The following ZNF117 variants were observed in gnomAD, a reference collection of about 807,000 sequenced individuals.
The protein encoded by ZNF117 is Krueppel-related zinc finger protein.
ZNF117 carries 37 observed loss-of-function variants against 41.2 expected under a neutral mutation model. The observed-to-expected ratio is 0.90, with a 90% CI of 0.69 to 1.18. The LOEUF (loss-of-function observed/expected upper bound fraction) is 1.18, where lower values mean the gene tolerates loss of function less well. Ranked by LOEUF, ZNF117 falls within the 50% of genes most tolerant of loss-of-function variation. The pLI is 0.00. For synonymous variants in ZNF117, 186 were observed against 186.6 expected (o/e 1.00, Z 0.02); for missense variants, 546 against 557.5 (o/e 0.98, Z 0.21).
chr7:64,978,736 A>G (rs777398322), exon 3 of ZNF117: 1 of 1,613,130 alleles, frequency 6.2e-7, no homozygotes, highest in Non-Finnish European at 8.5e-7. Context: ...CATTCTTCAC[A>G]TTTGTACAGC....
chr7:64,987,913 C>T (rs11972247), intron 1 of ZNF117, among the ~76,000 whole-genome samples: 135,903 of 151,326 alleles, frequency 0.9, 61,538 homozygotes, highest in South Asian at 0.97. Context: ...AAAAAGAAAT[C>T]GAATCTCTGA....
At chr7:64,973,685 CAA>C (rs1785819333), downstream of ZNF117, 1 of 151,824 alleles carries the variant, frequency 6.6e-6, no homozygotes, top group Non-Finnish European at 1.5e-5. Context: ...CAACAGTGAG[CAA>C]AGTGTAGCCA....
chr7:64,977,176 G>A, exon 3 of ZNF117: 1 of 459,640 alleles, frequency 2.2e-6, no homozygotes, highest in Non-Finnish European at 4.4e-6. Context: ...ATTACCTTAT[G>A]TTTAGTAAGC....
exon 1 of ZNF117, chr7:64,990,927 G>A (rs1202107251): frequency 1.2e-5 from 3 of 253,474 alleles, no homozygotes; most frequent in Admixed American, 5.1e-5. Context: ...TCCCCCCTTT[G>A]ATGCTTTTTA....
exon 3 of ZNF117, chr7:64,978,997 G>T: frequency 6.2e-7 from 1 of 1,613,362 alleles, no homozygotes; most frequent in Non-Finnish European, 8.5e-7. Context: ...CATTTGTAGG[G>T]TTTCTCTTCA....
intron 2 of ZNF117, 30 bp downstream of exon 3, chr7:64,981,357 T>C: frequency 6.2e-7 from 1 of 1,612,340 alleles, no homozygotes; most frequent in Non-Finnish European, 8.5e-7. Flanking sequence ...ACCTCTTCTC[T>C]GTGCCATCTG....
At chr7:64,977,690 G>C in exon 3 of ZNF117, 2 of 797,898 alleles carry the variant, frequency 2.5e-6, no homozygotes, top group Non-Finnish European at 4.0e-6. Flanking sequence ...GTGTAGTAAG[G>C]TTTACGTATA....
chr7:64,979,201 G>A (rs1307172917), exon 3 of ZNF117: 1 of 1,609,150 alleles, frequency 6.2e-7, no homozygotes, highest in Non-Finnish European at 8.5e-7. Flanking sequence ...TGTTGAGTTA[G>A]GTGTGAAAGC....
exon 3 of ZNF117, chr7:64,976,880 A>G: frequency 2.1e-6 from 1 of 485,402 alleles, no homozygotes; most frequent in Non-Finnish European, 4.2e-6. Context: ...AAGCATTGCC[A>G]CATTCTTCAC....
downstream of ZNF117, chr7:64,972,804 C>A (rs945870478): frequency 1.3e-5 from 2 of 151,976 alleles, no homozygotes; most frequent in African/African-American, 4.8e-5. Context: ...ACTCTGACCA[C>A]AAAAATGTTA....
At chr7:64,989,460 T>C (rs1371153491) in intron 1 of ZNF117, among the ~76,000 whole-genome samples, 2 of 38,518 alleles carry the variant, frequency 5.2e-5, no homozygotes, top group Non-Finnish European at 1.2e-4. Flanking sequence ...TATATATATA[T>C]ATATATATAT....
At chr7:64,977,829 C>A in exon 3 of ZNF117, 1 of 1,085,328 alleles carries the variant, frequency 9.2e-7, no homozygotes. Context: ...GGGTTTCTCT[C>A]CAATATGAAT....
chr7:64,974,258 A>T (rs1355144745), downstream of ZNF117: 1 of 151,858 alleles, frequency 6.6e-6, no homozygotes, highest in South Asian at 2.1e-4. Context: ...CTTATAATCC[A>T]TGAACAGCTC....
chr7:64,979,268 C>T, exon 3 of ZNF117: 1 of 1,595,408 alleles, frequency 6.3e-7, no homozygotes. Context: ...CAGTATGTCT[C>T]ATCTTGTGTC....
exon 3 of ZNF117, chr7:64,979,288 T>C (rs1228337081): frequency 1.3e-6 from 2 of 1,589,336 alleles, no homozygotes; most frequent in Admixed American, 3.7e-5. Flanking sequence ...CTATTTGAAT[T>C]TGAAATTTTA....
At chr7:64,972,762 T>A (rs1410019084), downstream of ZNF117, 2 of 152,080 alleles carry the variant, frequency 1.3e-5, no homozygotes, top group Non-Finnish European at 2.9e-5. Context: ...ATAATGTAGT[T>A]GTGTTTTTGA....
chr7:64,977,379 G>A, exon 3 of ZNF117: 1 of 412,984 alleles, frequency 2.4e-6, no homozygotes, highest in Non-Finnish European at 4.8e-6. Flanking sequence ...AAAAGCTTTA[G>A]CACATTTTTC....
At chr7:64,990,291 G>A (rs536277181) in exon 1 of ZNF117, 8 of 152,422 alleles carry the variant, frequency 5.2e-5, no homozygotes, top group Admixed American at 2.6e-4. Flanking sequence ...TGACAGATGC[G>A]GGCTAGGTTG....
chr7:64,974,511 C>T (rs541690652), exon 3 of ZNF117: 62 of 151,878 alleles, frequency 4.1e-4, no homozygotes, highest in African/African-American at 1.4e-3. Flanking sequence ...TCCAATATTG[C>T]TCTTTTCTTT....
Sources: gnomAD v4.1 joint callset for allele counts (sites outside exome capture counted in the v4.1 genomes callset) on GRCh38, gnomAD v4.1.1 for gene constraint, MANE v1.5 for transcripts, NCBI Gene and HGNC (gene_info 2026-07-23, HGNC 2026-07-21) for gene names.